Variants in IQGAP2 observed in about 807,000 individuals in gnomAD.
IQGAP2 encodes IQ motif containing GTPase activating protein 2, also known as ras GTPase-activating-like protein IQGAP2.
A neutral mutation model predicts 201.3 loss-of-function variants in IQGAP2; 173 were observed. The ratio of observed to expected loss-of-function variants is 0.86; its 90% CI spans 0.76 to 0.98. IQGAP2 has a LOEUF of 0.98. Ranked by LOEUF, IQGAP2 falls within the 50% of genes least tolerant of loss-of-function variation. IQGAP2 has a pLI of 0.00. For missense variants in IQGAP2, 1,687 were observed against 1,864.8 expected, an observed-to-expected ratio of 0.90 and a Z score of 1.76; for synonymous variants, 675 against 673.9, an observed-to-expected ratio of 1.00 and a Z score of -0.03.
chr5:76,618,879 A>G (rs1405094121), intron 13 of IQGAP2, among the ~76,000 whole-genome samples: 2 of 152,238 alleles, frequency 1.3e-5, no homozygotes, highest in African/African-American at 2.4e-5. Context: ...TAAAGTGTTT[A>G]TAATACTATT....
At chr5:76,443,327 T>A (rs1360587556) in intron 1 of IQGAP2, among the ~76,000 whole-genome samples, 2 of 152,142 alleles carry the variant, frequency 1.3e-5, no homozygotes, top group Non-Finnish European at 2.9e-5. Context: ...TTCAACTATG[T>A]CTCATTTTAT....
In IQGAP2 at chr5:76,562,509, T is replaced by C. The variant is rs759543698; in HGVS notation, c.260T>C (p.Val87Ala). The C allele has an allele frequency of 2.5e-6, 4 of 1,614,040 alleles. No individual in the cohort carries two copies. Among genetic ancestry groups the C allele is most frequent in the Non-Finnish European group, 3.4e-6 (4 of 1,179,902 alleles). ...GCCAAGTTCTTTGCCCCGAAAATGGTATCAGAGAAAAAGATCTATGATGTG... is the reference window on the plus strand; with the variant it reads ...GCCAAGTTCTTTGCCCCGAAAATGGCATCAGAGAAAAAGATCTATGATGTG... ...KLAKFFAPKM[V>A]SEKKIYDVEQ... The change falls in exon 3 of 36, where the codon GTA (valine) becomes GCA (alanine). Residue 87 changes from valine to alanine, a missense_variant. Val to Ala is a moderately conservative substitution (Grantham distance 64, BLOSUM62 0). Coordinates refer to ENST00000274364, the MANE Select transcript of IQGAP2 (RefSeq NM_006633.5).
rs139518642 is a variant in IQGAP2, at chr5:76,486,240, C to T, written c.146+24571C>T. ...GTGCAAAAGGTTATAGTTTGAAAAG[C>T]TTATCATGGGAATTTTTAGCCATCT... is the stretch of plus-strand genomic sequence containing the variant. On this transcript the variant is annotated intron_variant, in intron 2 of 35. Coordinates refer to ENST00000274364, the MANE Select transcript of IQGAP2 (RefSeq NM_006633.5). Among the ~76,000 whole-genome samples the T allele has an allele frequency of 1.4e-3, 212 of 152,326 alleles. 1 individual carries two copies. The highest frequency in any genetic ancestry group is 4.7e-3 in the African/African-American group (196 of 41,576).
chr5:76,563,257 G>A (rs1051757199), intron 3 of IQGAP2, among the ~76,000 whole-genome samples: 2 of 152,060 alleles, frequency 1.3e-5, no homozygotes, highest in Admixed American at 1.3e-4. Context: ...GAAGAAGAAA[G>A]ATCAACAATA....
chr5:76,469,000 C>T (rs867830785), intron 2 of IQGAP2, among the ~76,000 whole-genome samples: 4 of 152,278 alleles, frequency 2.6e-5, no homozygotes, highest in South Asian at 2.1e-4. Flanking sequence ...TCATTCGCTA[C>T]TAAGGAGGTT....
intron 10 of IQGAP2, 42 bp downstream of exon 10, chr5:76,597,644 C>T (rs373897199): frequency 6.3e-6 from 10 of 1,598,764 alleles, no homozygotes; most frequent in Non-Finnish European, 6.8e-6. Context: ...GGTAACCCTG[C>T]GTGCCATGGC....
chr5:76,547,383 C>G (rs1743161571), intron 2 of IQGAP2: 1 of 920,466 alleles, frequency 1.1e-6, no homozygotes, highest in Non-Finnish European at 1.3e-6. Context: ...TTTAACAATT[C>G]CATATTGAAT....
At chr5:76,517,298 A>G (rs767790685) in intron 2 of IQGAP2, among the ~76,000 whole-genome samples, 8 of 152,174 alleles carry the variant, frequency 5.3e-5, no homozygotes, top group Non-Finnish European at 1.0e-4. Flanking sequence ...TCTCAGGGAG[A>G]TAAGTACCAA....
At position 76,496,797 on chromosome 5, in the gene IQGAP2, T is replaced by TTCTTTC. The variant is rs1561416869; in HGVS notation, c.146+35130_146+35135dup. Among the ~76,000 whole-genome samples the TTCTTTC allele has an allele frequency of 3.4e-4, 48 of 143,132 alleles. 1 individual carries two copies. The highest frequency in any genetic ancestry group is 1.8e-3 in the Admixed American group (26 of 14,390). The allele number at this position is 143,132 out of a possible 152,430, so 93.9% of individuals were successfully genotyped here. Reference sequence around the variant, plus strand: ...TCTTTCTTTCTTTCTTTCTTTCTCTTTCTTTCTTTCTCTTTCTTTCTTTCT... The same window carrying TTCTTTC: ...TCTTTCTTTCTTTCTTTCTTTCTCTTTCTTTCTCTTTCTTTCTCTTTCTTTCTTTCT... On this transcript the variant is annotated intron_variant, in intron 2 of 35. Transcript: ENST00000274364.
chr5:76,441,031 CAA>C (rs112796247), intron 1 of IQGAP2, among the ~76,000 whole-genome samples: 20 of 104,094 alleles, frequency 1.9e-4, no homozygotes, highest in Non-Finnish European at 2.2e-4. Flanking sequence ...GACTCAGTCT[CAA>C]AAAAAAAAAA....
chr5:76,591,525 G>A (rs960494072), intron 8 of IQGAP2, among the ~76,000 whole-genome samples: 26 of 152,296 alleles, frequency 1.7e-4, no homozygotes, highest in Non-Finnish European at 2.2e-4. Flanking sequence ...CTCCATGACT[G>A]AAAGTAACCA....
At position 76,683,886 on chromosome 5, in the gene IQGAP2, G is replaced by A. The variant is rs750502210; in HGVS notation, c.3874G>A (p.Glu1292Lys). 2.3e-5 allele frequency: 37 copies of A among 1,612,858 alleles called. No individual in the cohort carries two copies. Among genetic ancestry groups the A allele is most frequent in the Non-Finnish European group, 1.7e-6 (2 of 1,179,492 alleles). ...LTSKYDIEDG[E>K]AIDSRSLMIK... Reference sequence around the variant, plus strand: ...AAGCAAATATGACATAGAGGACGGTGAAGCTATAGATAGCCGAAGCCTCAT... The same window carrying A: ...AAGCAAATATGACATAGAGGACGGTAAAGCTATAGATAGCCGAAGCCTCAT... Residue 1292 changes from glutamate (E) to lysine (K), a missense_variant, in exon 30 of 36, where the codon GAA becomes AAA. Coordinates refer to ENST00000274364, the MANE Select transcript of IQGAP2 (RefSeq NM_006633.5).
intron 2 of IQGAP2, among the ~76,000 whole-genome samples, chr5:76,491,110 C>T (rs75751487): frequency 0.039 from 5,967 of 151,064 alleles, 152 homozygotes; most frequent in Middle Eastern, 0.089. Flanking sequence ...GCTCTCACTT[C>T]CTCTACTTCC....
intron 1 of IQGAP2, among the ~76,000 whole-genome samples, chr5:76,431,322 A>G (rs115441123): frequency 0.027 from 4,172 of 152,092 alleles, 199 homozygotes; most frequent in African/African-American, 0.096. Flanking sequence ...AAATATAAAA[A>G]TATAAAATGT....
chr5:76,451,047 A>G (rs1316752363), intron 1 of IQGAP2, among the ~76,000 whole-genome samples: 6 of 152,258 alleles, frequency 3.9e-5, no homozygotes, highest in Admixed American at 2.0e-4. Flanking sequence ...TCTTCCAAAT[A>G]TAAGTTTTGA....
At chr5:76,597,919 A>AT (rs898753574) in intron 10 of IQGAP2, among the ~76,000 whole-genome samples, 2 of 152,138 alleles carry the variant, frequency 1.3e-5, no homozygotes, top group South Asian at 4.2e-4. Context: ...CCGATGTGGT[A>AT]TTTTTTTTAC....
chr5:76,643,309 T>G (rs2937414), intron 17 of IQGAP2, among the ~76,000 whole-genome samples: 1 of 152,006 alleles, frequency 6.6e-6, no homozygotes. Context: ...AGAATGCAAA[T>G]TAGACACTGA....
intron 32 of IQGAP2, 45 bp downstream of exon 32, chr5:76,695,711 T>TGAG: frequency 6.6e-7 from 1 of 1,509,350 alleles, no homozygotes. Flanking sequence ...AGCAGACATT[T>TGAG]GCTAATCACC....
chr5:76,405,143 G>A (rs1187392401), intron 1 of IQGAP2, among the ~76,000 whole-genome samples: 20 of 152,226 alleles, frequency 1.3e-4, no homozygotes, highest in Admixed American at 1.3e-3. Flanking sequence ...CGGCCCTCAT[G>A]AGCAATAAAT....
Sources: allele counts gnomAD v4.1 joint callset (sites outside exome capture counted in the v4.1 genomes callset), GRCh38; gene constraint gnomAD v4.1.1; transcripts MANE v1.5; gene names NCBI Gene and HGNC (gene_info 2026-07-23, HGNC 2026-07-21).